Variants in CRYBG1 observed in about 807,000 individuals in gnomAD.
CRYBG1 encodes the protein beta/gamma crystallin domain-containing protein 1.
In CRYBG1, 139 loss-of-function variants were observed where a neutral mutation model predicts 189.2. That is an observed-to-expected ratio of 0.73 (90% CI 0.64 to 0.85). The LOEUF (loss-of-function observed/expected upper bound fraction) is 0.85. Among genes scored for constraint, CRYBG1 ranks in the 40% least tolerant of loss-of-function variants. CRYBG1 has a pLI of 0.00. For synonymous variants in CRYBG1, 1,023 were observed against 1,017.1 expected (o/e 1.01, Z -0.11); for missense variants, 2,611 against 2,675.8 (o/e 0.98, Z 0.53).
chr6:106,377,467 G>C (rs1770191027), intron 1 of CRYBG1, among the ~76,000 whole-genome samples: 1 of 152,044 alleles, frequency 6.6e-6, no homozygotes, highest in African/African-American at 2.4e-5. Context: ...ACTAGGGGCT[G>C]TTAATACTTC....
chr6:106,485,055 T>C (rs986727190), intron 2 of CRYBG1, among the ~76,000 whole-genome samples: 5 of 152,238 alleles, frequency 3.3e-5, no homozygotes, highest in African/African-American at 4.8e-5. Context: ...TTAATAGTGA[T>C]TGCATTAAAT....
intron 21 of CRYBG1, among the ~76,000 whole-genome samples, chr6:106,565,726 C>T (rs536053334): frequency 2.0e-5 from 3 of 152,184 alleles, no homozygotes; most frequent in Non-Finnish European, 4.4e-5. Flanking sequence ...TATAGTACAG[C>T]TCCCTCACCT....
At chr6:106,382,649 A>T (rs1213377365) in intron 1 of CRYBG1, among the ~76,000 whole-genome samples, 2 of 152,212 alleles carry the variant, frequency 1.3e-5, no homozygotes, top group African/African-American at 4.8e-5. Context: ...ATTGCTCTTT[A>T]TACAATGGAA....
chr6:106,517,315 C>T (rs1320307997), intron 3 of CRYBG1, among the ~76,000 whole-genome samples: 3 of 136,448 alleles, frequency 2.2e-5, no homozygotes, highest in Middle Eastern at 3.4e-3. Context: ...CACACACACA[C>T]ACATATATAT....
intron 1 of CRYBG1, among the ~76,000 whole-genome samples, chr6:106,386,843 G>A (rs1433052325): frequency 6.6e-6 from 1 of 152,146 alleles, no homozygotes; most frequent in East Asian, 1.9e-4. Context: ...TTCTTAATAG[G>A]CCCTGGACCA....
intron 3 of CRYBG1, among the ~76,000 whole-genome samples, chr6:106,513,727 T>C (rs1773353704): frequency 6.6e-6 from 1 of 152,258 alleles, no homozygotes; most frequent in African/African-American, 2.4e-5. Context: ...GGTGTGAGTT[T>C]AAGATAATTC....
Position 106,569,055 on chromosome 6 carries a change from C to T in CRYBG1, c.*489C>T, listed in dbSNP as rs1774981461. ...CTTTATTAGGCCTGTAATTTTGGTT[C>T]TTGGCCTTAAACACTTTCTGGAACC... On this transcript the variant is annotated 3_prime_UTR_variant, in exon 22 of 22. Coordinates refer to ENST00000633556, the MANE Select transcript of CRYBG1 (RefSeq NM_001371242.2). The T allele has an allele frequency of 6.5e-6, 1 of 153,928 alleles. No individual in the cohort carries two copies. Among genetic ancestry groups the T allele is most frequent in the South Asian group, 2.0e-4 (1 of 4,958 alleles). 9.5% of individuals were successfully genotyped at this position (153,928 alleles called of 1,614,324 possible).
intron 1 of CRYBG1, among the ~76,000 whole-genome samples, chr6:106,377,209 G>A (rs564555972): frequency 6.6e-5 from 10 of 152,132 alleles, no homozygotes; most frequent in Non-Finnish European, 1.5e-4. Flanking sequence ...CATACATACA[G>A]TCCTCTATCT....
chr6:106,491,543 C>T (rs972146441), intron 2 of CRYBG1, among the ~76,000 whole-genome samples: 1 of 152,156 alleles, frequency 6.6e-6, no homozygotes, highest in Non-Finnish European at 1.5e-5. Flanking sequence ...TACCCTCCGA[C>T]GGAGCTCTCC....
intron 1 of CRYBG1, among the ~76,000 whole-genome samples, chr6:106,417,405 C>A (rs922569941): frequency 6.6e-6 from 1 of 151,950 alleles, no homozygotes; most frequent in Non-Finnish European, 1.5e-5. Flanking sequence ...ACCCTACATG[C>A]CTCTCTTGAC....
intron 1 of CRYBG1, among the ~76,000 whole-genome samples, chr6:106,420,313 G>C (rs1001220403): frequency 6.6e-6 from 1 of 152,210 alleles, no homozygotes; most frequent in African/African-American, 2.4e-5. Flanking sequence ...AGGGTCATAA[G>C]GCAGATGGCT....
chr6:106,361,043 C>G lies in CRYBG1; in HGVS notation c.135C>G (p.Phe45Leu), dbSNP rs558015712. 1.5e-3 allele frequency: 2,231 copies of G among 1,535,002 alleles called. 2 individuals are homozygous for G. The highest frequency in any genetic ancestry group is 1.7e-3 in the Non-Finnish European group (1,990 of 1,146,546). Residue 45 changes from phenylalanine (F) to leucine (L), a missense_variant, in exon 1 of 22, where the codon TTC (phenylalanine) becomes TTG (leucine). Physicochemically the swap from Phe to Leu is conservative, Grantham distance 22 (BLOSUM62 0). Around this residue, in one of 3 missense-constraint regions of CRYBG1, gnomAD observed 985 missense variants for 924.4 expected, o/e 1.07. Transcript: ENST00000633556. ...CGGCGCCGCCTGACTGTGGGGTGTTCGTTCCGCACCCGCTCCCGGCGCCTG... is the reference window on the plus strand; with the variant it reads ...CGGCGCCGCCTGACTGTGGGGTGTTGGTTCCGCACCCGCTCCCGGCGCCTG... ...QQPAPPDCGV[F>L]VPHPLPAPAG... is the part of the protein sequence containing the mutation.
chr6:106,541,376 TAGA>T, intron 9 of CRYBG1: 1 of 678,318 alleles, frequency 1.5e-6, no homozygotes, highest in Non-Finnish European at 2.8e-6. Flanking sequence ...GATCAGCTTA[TAGA>T]CTGCTTGTGC....
chr6:106,556,028 G>A, intron 17 of CRYBG1, 131 bp downstream of exon 17: 1 of 1,031,874 alleles, frequency 9.7e-7, no homozygotes, highest in Non-Finnish European at 1.5e-6. Context: ...CTGTCCATTT[G>A]GCTCTGTGTA....
intron 2 of CRYBG1, among the ~76,000 whole-genome samples, chr6:106,490,586 T>C (rs1227188903): frequency 6.6e-6 from 1 of 152,204 alleles, no homozygotes; most frequent in East Asian, 1.9e-4. Flanking sequence ...TGAATTTTTT[T>C]CCAATATGAT....
At chr6:106,513,083 G>C (rs988253811) in intron 3 of CRYBG1, 44 bp downstream of exon 3, 1 of 1,564,356 alleles carries the variant, frequency 6.4e-7, no homozygotes, top group Non-Finnish European at 8.6e-7. Flanking sequence ...GTCCGCACAC[G>C]TGCTGGGGGT....
chr6:106,561,387 A>G lies in CRYBG1; in HGVS notation c.6025A>G (p.Met2009Val), dbSNP rs754835563. Residue 2009 changes from methionine to valine, a missense_variant, in exon 20 of 22, where the codon ATG becomes GTG. Met to Val is a conservative substitution (Grantham distance 21). Coordinates refer to ENST00000633556, the MANE Select transcript of CRYBG1 (RefSeq NM_001371242.2). ...TCGAAACAAAGCAACAGGGTTATTCATGTCAACCAATGGAAACTTAGAGGA... is the reference window on the plus strand; with the variant it reads ...TCGAAACAAAGCAACAGGGTTATTCGTGTCAACCAATGGAAACTTAGAGGA... ...RLRNKATGLF[M>V]STNGNLEDLK... is the part of the protein sequence containing the mutation. 3.7e-6 allele frequency: 6 copies of G among 1,614,174 alleles called. No homozygotes were observed. The highest frequency in any genetic ancestry group is 4.2e-6 in the Non-Finnish European group (5 of 1,180,020).
Position 106,551,990 on chromosome 6 carries a change from T to C in CRYBG1, c.5439+12T>C, listed in dbSNP as rs759849877. The C allele has an allele frequency of 1.3e-5, 20 of 1,589,340 alleles. No homozygotes were observed. The highest frequency in any genetic ancestry group is 1.7e-5 in the Non-Finnish European group (20 of 1,168,780). The stretch of plus-strand genomic sequence containing the variant: ...AACCTATATGTTTGGTAAGGAGTTA[T>C]ATTTTTGTATGAGAATATTTAACTG... On this transcript the variant is annotated intron_variant, in intron 14 of 21. Coordinates refer to ENST00000633556, the MANE Select transcript of CRYBG1 (RefSeq NM_001371242.2).
intron 8 of CRYBG1, among the ~76,000 whole-genome samples, chr6:106,538,588 T>C (rs987437579): frequency 6.6e-6 from 1 of 151,962 alleles, no homozygotes; most frequent in African/African-American, 2.4e-5. Flanking sequence ...ATGAGAAAAA[T>C]TGCCATCACA....
Sources: allele counts gnomAD v4.1 joint callset (sites outside exome capture counted in the v4.1 genomes callset), GRCh38; gene constraint gnomAD v4.1.1; regional missense constraint gnomAD v4.1.1; transcripts MANE v1.5; gene names NCBI Gene and HGNC (gene_info 2026-07-23, HGNC 2026-07-21).